The following COL8A2 variants were observed in gnomAD, a reference collection of about 807,000 sequenced individuals.
COL8A2 encodes the protein collagen alpha-2(VIII) chain.
Under a neutral mutation model 24.0 loss-of-function variants are expected in COL8A2, and 16 were observed. The observed-to-expected ratio is 0.67, with a 90% CI of 0.45 to 1.01. COL8A2 has a LOEUF of 1.01. COL8A2 is among the 50% of genes least tolerant of loss of function. The pLI is 0.00. For missense variants in COL8A2, 818 were observed against 942.4 expected (o/e 0.87, Z 1.73); for synonymous variants, 466 against 424.5 (o/e 1.10, Z -1.20).
chr1:36,097,930 GGCGAGGTGA>G lies in COL8A2; in HGVS notation c.1742_1750del (p.Leu581_Ser583del). ...CACGGGCATGCCCGAGGCGGGGAAG[GGCGAGGTGA>G]GCACCGCAGTGAAGGCCGGTGTGGC... On this transcript the variant is annotated inframe_deletion, in exon 4 of 4. Transcript: ENST00000397799. 1 of 1,611,130 alleles carries G rather than the reference GGCGAGGTGA, an allele frequency of 6.2e-7. No homozygotes were observed. Among genetic ancestry groups the G allele is most frequent in the Non-Finnish European group, 8.5e-7 (1 of 1,179,790 alleles).
intron 2 of COL8A2, among the ~76,000 whole-genome samples, chr1:36,106,000 C>T (rs1033529780): frequency 2.0e-5 from 3 of 148,294 alleles, no homozygotes; most frequent in African/African-American, 5.0e-5. Context: ...AGGCAGGGCG[C>T]GGTGGCTCAC....
intron 2 of COL8A2, among the ~76,000 whole-genome samples, chr1:36,105,213 C>A (rs561060903): frequency 6.6e-6 from 1 of 152,118 alleles, no homozygotes; most frequent in Non-Finnish European, 1.5e-5. Context: ...CTCTCATGTT[C>A]GAATCCCAGT....
At chr1:36,121,040 G>T (rs1349604526) in intron 1 of COL8A2, among the ~76,000 whole-genome samples, 1 of 150,826 alleles carries the variant, frequency 6.6e-6, no homozygotes, top group Admixed American at 6.6e-5. Context: ...AGTGAGCCAA[G>T]ATCGCGCCAC....
At chr1:36,120,042 G>A (rs886067835) in intron 1 of COL8A2, among the ~76,000 whole-genome samples, 1 of 152,098 alleles carries the variant, frequency 6.6e-6, no homozygotes, top group African/African-American at 2.4e-5. Context: ...GACCACCAAG[G>A]GTTCCTAGAT....
chr1:36,099,552 C>G, intron 3 of COL8A2, 65 bp from the exon 4 acceptor site: 1 of 1,130,884 alleles, frequency 8.8e-7, no homozygotes, highest in Non-Finnish European at 1.3e-6. Context: ...CCCCATCTAC[C>G]CATTCCCCCA....
At chr1:36,118,336 C>A (rs910338241) in intron 1 of COL8A2, among the ~76,000 whole-genome samples, 9 of 152,334 alleles carry the variant, frequency 5.9e-5, no homozygotes, top group Middle Eastern at 3.4e-3. Context: ...ACGGGCCCTG[C>A]CCCCTACTCC....
At position 36,123,887 on chromosome 1, in the gene COL8A2, A is replaced by G. The variant is rs1213408002; in HGVS notation, c.-62+1170T>C. On this transcript the variant is annotated intron_variant, in intron 1 of 3. Transcript: ENST00000397799. This position sits in a 1 kb window ranked among gnomAD's most constrained non-coding sequence, Gnocchi z 4.1. Reference sequence around the variant, plus strand: ...TGACAGCACCTGTGCCCTGATGGAGACCACCAACCATGGTGTCTCTCCAGA... The same window carrying G: ...TGACAGCACCTGTGCCCTGATGGAGGCCACCAACCATGGTGTCTCTCCAGA... 1.3e-5 allele frequency among the ~76,000 whole-genome samples: 2 copies of G among 152,010 alleles called. No homozygotes were observed. The highest frequency in any genetic ancestry group is 2.9e-5 in the Non-Finnish European group (2 of 67,996).
At chr1:36,124,100 G>A (rs556028651) in intron 1 of COL8A2, among the ~76,000 whole-genome samples, 4 of 152,270 alleles carry the variant, frequency 2.6e-5, no homozygotes, top group East Asian at 3.9e-4. Context: ...ACTCTGCTAA[G>A]AGGAGTGGAT....
chr1:36,115,417 C>A lies in COL8A2; in HGVS notation c.-17+291G>T, dbSNP rs1003656719. 2.0e-5 allele frequency among the ~76,000 whole-genome samples: 3 copies of A among 151,964 alleles called. No homozygotes were observed. Among genetic ancestry groups the A allele is most frequent in the Admixed American group, 2.0e-4 (3 of 15,254 alleles). On this transcript the variant is annotated intron_variant, in intron 2 of 3. Coordinates refer to ENST00000397799, the MANE Select transcript of COL8A2 (RefSeq NM_005202.4). The surrounding 1 kb of genome is among the most constrained non-coding windows in gnomAD (Gnocchi z 5.7). ...TGGGCTGGGCAGGGAGGGGGCCTGG[C>A]GGGAGCACAGCCAGGCCACTGCACC...
At position 36,115,569 on chromosome 1, in the gene COL8A2, CA is replaced by C; in HGVS notation, c.-17+138del. On this transcript the variant is annotated intron_variant, in intron 2 of 3. Coordinates refer to ENST00000397799, the MANE Select transcript of COL8A2 (RefSeq NM_005202.4). The surrounding 1 kb of genome is among the most constrained non-coding windows in gnomAD (Gnocchi z 5.7). ...GGCTGCAGGGAGCTGAGGTCACATA[CA>C]AAAGGGGTGGCTCACAGGACTCTCT... is the stretch of plus-strand genomic sequence containing the variant. The C allele has an allele frequency of 3.6e-6, 1 of 275,428 alleles. No individual in the cohort carries two copies. The highest frequency in any genetic ancestry group is 5.5e-6 in the Non-Finnish European group (1 of 180,658). The allele number at this position is 275,428 out of a possible 1,614,324, so 17.1% of individuals were successfully genotyped here.
Position 36,115,599 on chromosome 1 carries a change from C to T in COL8A2, c.-17+109G>A. 1.8e-6 allele frequency: 1 copy of T among 566,244 alleles called. No individual in the cohort carries two copies. The highest frequency in any genetic ancestry group is 2.2e-6 in the Non-Finnish European group (1 of 446,892). The allele number at this position is 566,244 out of a possible 1,614,324, so 35.1% of individuals were successfully genotyped here. A position where few individuals can be genotyped will look rare whatever the true frequency, so the allele number is the denominator to read the frequency against. ...GGGGTGGCTCACAGGACTCTCTGGG[C>T]CTGGGAGGGGCTTCCGGTGCAGCAG... On this transcript the variant is annotated intron_variant, in intron 2 of 3. Transcript: ENST00000397799. The surrounding 1 kb of genome is among the most constrained non-coding windows in gnomAD (Gnocchi z 5.7).
At position 36,099,401 on chromosome 1, in the gene COL8A2, G is replaced by C; in HGVS notation, c.280C>G (p.Pro94Ala). ...KPGPRGPPGP[P>A]GFPGKPGMGK... ...ATGCCTGGTTTTCCTGGGAAGCCAG[G>C]GGGGCCAGGGGGACCCCGAGGCCCG... Residue 94 changes from proline to alanine, a missense_variant, in exon 4 of 4, where the codon CCT becomes GCT. Around this residue, in one of 3 missense-constraint regions of COL8A2, gnomAD observed 573 missense variants for 616.8 expected, o/e 0.93. Transcript: ENST00000397799. 4 of 1,556,396 alleles carry C rather than the reference G, an allele frequency of 2.6e-6. No homozygotes were observed. The highest frequency in any genetic ancestry group is 3.5e-6 in the Non-Finnish European group (4 of 1,154,674).
At chr1:36,106,193 G>A (rs1460996850) in intron 2 of COL8A2, among the ~76,000 whole-genome samples, 2 of 151,884 alleles carry the variant, frequency 1.3e-5, no homozygotes. Context: ...GAATCCAGGG[G>A]GCAGAGGTTG....
intron 3 of COL8A2, among the ~76,000 whole-genome samples, chr1:36,099,804 G>C (rs565499057): frequency 6.6e-6 from 1 of 152,178 alleles, no homozygotes; most frequent in Non-Finnish European, 1.5e-5. Flanking sequence ...GCCCACCTTA[G>C]AGCCCGTGGG....
chr1:36,104,957 C>T (rs755239003), intron 2 of COL8A2, among the ~76,000 whole-genome samples: 25 of 152,174 alleles, frequency 1.6e-4, no homozygotes, highest in Middle Eastern at 3.4e-3. Flanking sequence ...GAGGAAAGTC[C>T]CACTTCCCCT....
At chr1:36,110,084 C>T (rs1643818252) in intron 2 of COL8A2, among the ~76,000 whole-genome samples, 1 of 151,810 alleles carries the variant, frequency 6.6e-6, no homozygotes, top group South Asian at 2.1e-4. Flanking sequence ...GGCCCGCCAC[C>T]ACGCCCGGCT....
rs768095070 is a variant in COL8A2 at position 36,098,013 on chromosome 1, C to T, written c.1668G>A (p.Leu556=). The part of the protein sequence containing the change: ...LPNGGVEGAV[L]GKGGKPQFGL... ...CAAACTGTGGCTTGCCCCCCTTGCC[C>T]AGCACGGCACCCTCCACACCGCCGT... is the stretch of plus-strand genomic sequence containing the variant. The change falls in exon 4 of 4, where the codon CTG becomes CTA. Residue 556 remains leucine, a synonymous_variant. Transcript: ENST00000397799. 5 of 1,596,788 alleles carry T rather than the reference C, an allele frequency of 3.1e-6. No homozygotes were observed. The highest frequency in any genetic ancestry group is 4.3e-6 in the Non-Finnish European group (5 of 1,175,878).
At position 36,115,543 on chromosome 1, in the gene COL8A2, G is replaced by A. The variant is rs1038198857; in HGVS notation, c.-17+165C>T. 3.9e-5 allele frequency among the ~76,000 whole-genome samples: 6 copies of A among 152,162 alleles called. No individual in the cohort carries two copies. The East Asian group carries it at 5.8e-4, about 15-fold the overall frequency. On this transcript the variant is annotated intron_variant, in intron 2 of 3. Coordinates refer to ENST00000397799, the MANE Select transcript of COL8A2 (RefSeq NM_005202.4). The surrounding 1 kb of genome is among the most constrained non-coding windows in gnomAD (Gnocchi z 5.7). ...GAGTTGGGCCAGGGTTTTAAAGCCCGGGCTGCAGGGAGCTGAGGTCACATA... is the reference window on the plus strand; with the variant it reads ...GAGTTGGGCCAGGGTTTTAAAGCCCAGGCTGCAGGGAGCTGAGGTCACATA...
intron 1 of COL8A2, among the ~76,000 whole-genome samples, chr1:36,121,377 A>T (rs1375976802): frequency 8.5e-6 from 1 of 117,360 alleles, no homozygotes; most frequent in South Asian, 3.1e-4. Flanking sequence ...CGACAGAGCC[A>T]GACTCTGTCT....
Sources: gnomAD v4.1 joint callset for allele counts (sites outside exome capture counted in the v4.1 genomes callset) on GRCh38, gnomAD v4.1.1 for gene constraint, gnomAD v4.1.1 regional missense constraint, Gnocchi (gnomAD v3.1) non-coding constraint, MANE v1.5 for transcripts, NCBI Gene and HGNC (gene_info 2026-07-23, HGNC 2026-07-21) for gene names.